SULT2B1: variants seen among roughly 807,000 people sequenced by gnomAD.
The protein encoded by SULT2B1 is sulfotransferase 2B1.
SULT2B1 carries 16 observed loss-of-function variants against 33.2 expected under a neutral mutation model. The ratio of observed to expected loss-of-function variants is 0.48; its 90% CI spans 0.33 to 0.73. The LOEUF (loss-of-function observed/expected upper bound fraction) is 0.73. SULT2B1 is among the 30% of genes least tolerant of loss of function. The probability of loss-of-function intolerance (pLI) is 0.02; values close to 1 mark genes in which losing one functional copy is unlikely to be tolerated. For synonymous variants in SULT2B1, 186 were observed against 200.5 expected (o/e 0.93, Z 0.61); for missense variants, 500 against 506.0 (o/e 0.99, Z 0.11).
chr19:48,581,098 G>A (rs772392765), intron 2 of SULT2B1, among the ~76,000 whole-genome samples: 17 of 132,612 alleles, frequency 1.3e-4, no homozygotes, highest in South Asian at 2.6e-4. Flanking sequence ...GTGCAATGGC[G>A]CGATCTCAGC....
intron 1 of SULT2B1, among the ~76,000 whole-genome samples, chr19:48,560,885 C>G (rs1014844545): frequency 4.6e-5 from 7 of 151,704 alleles, no homozygotes; most frequent in Non-Finnish European, 1.0e-4. Context: ...TCATTTGAAC[C>G]CGGGAGGCAG....
chr19:48,589,268 A>G (rs144411104), intron 3 of SULT2B1, among the ~76,000 whole-genome samples: 1 of 143,240 alleles, frequency 7.0e-6, no homozygotes, highest in Non-Finnish European at 1.5e-5. Flanking sequence ...GGTGACTCCA[A>G]GGTTTCGGCG....
intron 1 of SULT2B1, among the ~76,000 whole-genome samples, chr19:48,567,544 T>C (rs767404072): frequency 1.3e-5 from 2 of 151,984 alleles, no homozygotes; most frequent in Non-Finnish European, 2.9e-5. Flanking sequence ...CGAGACTCTG[T>C]CTCAACAACA....
chr19:48,571,977 C>G (rs934944726), intron 1 of SULT2B1, among the ~76,000 whole-genome samples: 1 of 152,184 alleles, frequency 6.6e-6, no homozygotes, highest in Non-Finnish European at 1.5e-5. Context: ...ATTAACCTCT[C>G]TGGGCCTCCA....
chr19:48,586,982 C>T (rs572973055), intron 2 of SULT2B1, among the ~76,000 whole-genome samples: 1 of 151,806 alleles, frequency 6.6e-6, no homozygotes, highest in African/African-American at 2.4e-5. Context: ...TGGTGGTGGG[C>T]GCTTGTAATG....
At position 48,563,959 on chromosome 19, in the gene SULT2B1, CAA is replaced by C. The variant is rs35211958; in HGVS notation, c.71+11650_71+11651del. Among the ~76,000 whole-genome samples the C allele has an allele frequency of 9.6e-3, 1,127 of 117,310 alleles. 13 individuals are homozygous for C. Among genetic ancestry groups the C allele is most frequent in the African/African-American group, 0.033 (1,024 of 31,196 alleles). The allele number at this position is 117,310 out of a possible 152,430, so 77.0% of individuals were successfully genotyped here. A position where few individuals can be genotyped will look rare whatever the true frequency, so the allele number is the denominator to read the frequency against. ...AGCCTGGGCAACAGAGACTTCCTCT[CAA>C]AAAAAAAAAAAAACAAAAGAAGAGG... is the stretch of plus-strand genomic sequence containing the variant. On this transcript the variant is annotated intron_variant, in intron 1 of 6. Transcript: ENST00000201586.
At chr19:48,571,300 G>C (rs571994655) in intron 1 of SULT2B1, among the ~76,000 whole-genome samples, 2 of 151,550 alleles carry the variant, frequency 1.3e-5, no homozygotes, top group African/African-American at 2.4e-5. Flanking sequence ...GGGTTCAAGC[G>C]ATTCTCCTGC....
chr19:48,597,132 C>G (rs1973728725), intron 6 of SULT2B1, among the ~76,000 whole-genome samples: 1 of 152,118 alleles, frequency 6.6e-6, no homozygotes. Flanking sequence ...AGAGAACTCC[C>G]AACGACAGCA....
intron 1 of SULT2B1, among the ~76,000 whole-genome samples, chr19:48,567,576 A>G (rs1973262681): frequency 6.6e-6 from 1 of 152,010 alleles, no homozygotes; most frequent in Non-Finnish European, 1.5e-5. Context: ...ACACAGTGTT[A>G]CCCGTGTGTC....
intron 1 of SULT2B1, among the ~76,000 whole-genome samples, chr19:48,568,361 C>T (rs370445235): frequency 2.0e-5 from 3 of 151,742 alleles, no homozygotes; most frequent in Admixed American, 2.0e-4. Context: ...GTAATGTGCA[C>T]GGGGTGGGAG....
chr19:48,552,300 T>A lies in SULT2B1; in HGVS notation c.48T>A (p.Tyr16Ter). 6.2e-7 allele frequency: 1 copy of A among 1,613,908 alleles called. No individual in the cohort carries two copies. The highest frequency in any genetic ancestry group is 2.2e-5 in the East Asian group (1 of 44,858). ...EPQIPGLWDT[Y>*]EDDISEISQK... ...AGATCCCGGGCTTGTGGGACACCTA[T>A]GAAGATGACATCTCGGAAATCAGGT... The change falls in exon 1 of 7, where the codon TAT becomes TAA. Residue 16 changes from tyrosine (Y) to a stop codon, truncating the protein, a stop_gained. Transcript: ENST00000201586. LOFTEE classifies it high-confidence loss of function. This position sits in a 1 kb window ranked among gnomAD's most constrained non-coding sequence, Gnocchi z 4.8.
Position 48,581,182 on chromosome 19 carries a change from A to G in SULT2B1, c.214+5099A>G, listed in dbSNP as rs1369343715. Among the ~76,000 whole-genome samples the G allele has an allele frequency of 4.8e-5, 7 of 146,618 alleles. No individual in the cohort carries two copies. In the South Asian group the frequency reaches 8.7e-4, roughly 18 times the overall value. On this transcript the variant is annotated intron_variant, in intron 2 of 6. Transcript: ENST00000201586. ...CTCCCTAGTAGCTGGGATTACAGGCATGTGCCACCATGCCTGGTTTTTGCA... is the reference window on the plus strand; with the variant it reads ...CTCCCTAGTAGCTGGGATTACAGGCGTGTGCCACCATGCCTGGTTTTTGCA...
chr19:48,577,890 A>G (rs1209667606), intron 2 of SULT2B1, among the ~76,000 whole-genome samples: 1 of 152,144 alleles, frequency 6.6e-6, no homozygotes, highest in Non-Finnish European at 1.5e-5. Flanking sequence ...AAAATATGAC[A>G]CTATGATTGG....
intron 5 of SULT2B1, among the ~76,000 whole-genome samples, chr19:48,593,594 C>T (rs28439983): frequency 0.88 from 133,567 of 152,090 alleles, 59,688 homozygotes; most frequent in Non-Finnish European, 0.96. Flanking sequence ...GAAATGCCTG[C>T]ATTCAACCAG....
intron 1 of SULT2B1, among the ~76,000 whole-genome samples, chr19:48,569,362 ACATATATATATATATATATAT>A (rs369922692): frequency 0.024 from 3,060 of 130,164 alleles, 180 homozygotes; most frequent in African/African-American, 0.076. Flanking sequence ...AAAAAAAAAA[ACATATATATATATATATATAT>A]ATATATATAT....
chr19:48,558,777 G>A (rs993659108), intron 1 of SULT2B1, among the ~76,000 whole-genome samples: 3 of 146,836 alleles, frequency 2.0e-5, no homozygotes, highest in East Asian at 2.0e-4. Flanking sequence ...AGCCGCCTCC[G>A]GGGTTCAAGC....
intron 1 of SULT2B1, among the ~76,000 whole-genome samples, chr19:48,573,219 G>C (rs1204048866): frequency 6.6e-6 from 1 of 151,808 alleles, no homozygotes; most frequent in Non-Finnish European, 1.5e-5. Flanking sequence ...TCACCCTCCA[G>C]GAGGCTGAGT....
chr19:48,592,993 A>G (rs910555658), intron 5 of SULT2B1, among the ~76,000 whole-genome samples, 177 bp downstream of exon 5: 1 of 152,164 alleles, frequency 6.6e-6, no homozygotes, highest in Non-Finnish European at 1.5e-5. Flanking sequence ...ACCACAGACA[A>G]AATCCCTAAA....
intron 1 of SULT2B1, among the ~76,000 whole-genome samples, chr19:48,561,232 C>G (rs1377329546): frequency 2.0e-5 from 3 of 151,826 alleles, no homozygotes; most frequent in Non-Finnish European, 4.4e-5. Context: ...GAGTTCCAGA[C>G]CAGCCTGACC....
Sources: allele counts gnomAD v4.1 joint callset (sites outside exome capture counted in the v4.1 genomes callset), GRCh38; gene constraint gnomAD v4.1.1; non-coding constraint Gnocchi (gnomAD v3.1); transcripts MANE v1.5; gene names NCBI Gene and HGNC (gene_info 2026-07-23, HGNC 2026-07-21).